Variants in LIAT1 observed in about 807,000 individuals in gnomAD.
LIAT1 encodes protein LIAT1.
At chr17:410,938 C>T in the LIAT1 span, among the ~76,000 whole-genome samples, 2 of 152,200 alleles carry the variant, frequency 1.3e-5, no homozygotes, top group Admixed American at 6.5e-5. Flanking sequence ...CTTCCTAATC[C>T]CTCAGCCAAA....
chr17:410,538 CG>C, the LIAT1 span: 12 of 1,546,140 alleles, frequency 7.8e-6, no homozygotes, highest in Non-Finnish European at 1.0e-5. Flanking sequence ...CGCGGGCCCG[CG>C]GGGGTCTAGA....
At chr17:410,398 G>A in the LIAT1 span, 41 of 1,527,736 alleles carry the variant, frequency 2.7e-5, no homozygotes, top group Non-Finnish European at 3.4e-5. Flanking sequence ...CGATTAGTCG[G>A]CATCGGGCCT....
the LIAT1 span, among the ~76,000 whole-genome samples, chr17:411,743 A>T: frequency 6.6e-6 from 1 of 152,198 alleles, no homozygotes; most frequent in Non-Finnish European, 1.5e-5. Flanking sequence ...CTCTTCTTGT[A>T]GAACCCCTAC....
At chr17:411,594 TAC>T in the LIAT1 span, among the ~76,000 whole-genome samples, 1 of 152,210 alleles carries the variant, frequency 6.6e-6, no homozygotes, top group African/African-American at 2.4e-5. Context: ...ATTCCTAGTC[TAC>T]ACACACAGAC....
At chr17:410,373 C>A in the LIAT1 span, 55 of 1,512,566 alleles carry the variant, frequency 3.6e-5, no homozygotes, top group Middle Eastern at 4.7e-4. Flanking sequence ...CCTGGCGGTC[C>A]GCGCTGAGAG....
the LIAT1 span, chr17:414,222 G>A: frequency 8.0e-6 from 11 of 1,380,654 alleles, no homozygotes; most frequent in Admixed American, 2.4e-4. The surrounding 1 kb of genome is among the most constrained non-coding windows in gnomAD (Gnocchi z 4.1). Context: ...GAAGGAAACA[G>A]ATGTTCGGTA....
At chr17:413,860 C>T in the LIAT1 span, 24 of 1,599,308 alleles carry the variant, frequency 1.5e-5, no homozygotes, top group East Asian at 4.1e-4. Context: ...ACCCCGACCC[C>T]GAGGCCCTCA....
the LIAT1 span, chr17:414,076 G>C: frequency 6.2e-7 from 1 of 1,613,940 alleles, no homozygotes; most frequent in South Asian, 1.1e-5. This position sits in a 1 kb window ranked among gnomAD's most constrained non-coding sequence, Gnocchi z 4.1. Context: ...TTACCCCAAA[G>C]CTTCTACACT....
chr17:411,602 C>T, the LIAT1 span, among the ~76,000 whole-genome samples: 1 of 152,216 alleles, frequency 6.6e-6, no homozygotes, highest in Non-Finnish European at 1.5e-5. Flanking sequence ...TCTACACACA[C>T]AGACTGTTAA....
chr17:414,414 A>G, the LIAT1 span: 47 of 345,230 alleles, frequency 1.4e-4, no homozygotes, highest in African/African-American at 9.0e-4. This position sits in a 1 kb window ranked among gnomAD's most constrained non-coding sequence, Gnocchi z 4.1. Flanking sequence ...TGCCCCAAAA[A>G]GAAAAGAAAG....
the LIAT1 span, among the ~76,000 whole-genome samples, chr17:412,752 C>T: frequency 6.6e-6 from 1 of 152,118 alleles, no homozygotes. Flanking sequence ...GAGCACATGG[C>T]GAGGATGGAT....
the LIAT1 span, chr17:414,394 GT>G: frequency 2.4e-6 from 1 of 412,922 alleles, no homozygotes. The surrounding 1 kb of genome is among the most constrained non-coding windows in gnomAD (Gnocchi z 4.1). Flanking sequence ...ACAGCTAGAT[GT>G]CTATAATCTG....
chr17:410,497 A>G, the LIAT1 span: 2 of 1,544,324 alleles, frequency 1.3e-6, no homozygotes, highest in Non-Finnish European at 1.7e-6. Flanking sequence ...AAGGACAACG[A>G]CGGCGAGGAG....
the LIAT1 span, chr17:410,632 C>G: frequency 6.5e-7 from 1 of 1,541,250 alleles, no homozygotes; most frequent in South Asian, 1.2e-5. Flanking sequence ...ACCAAGGGGT[C>G]TGGCAAGGGG....
the LIAT1 span, chr17:410,404 G>C: frequency 6.5e-7 from 1 of 1,531,860 alleles, no homozygotes; most frequent in South Asian, 1.2e-5. Context: ...GTCGGCATCG[G>C]GCCTCGGGCG....
At chr17:413,501 G>A in the LIAT1 span, 24,589 of 1,232,868 alleles carry the variant, frequency 0.02, 1,672 homozygotes, top group Middle Eastern at 0.022. Flanking sequence ...CCCCGACCCC[G>A]ACGCCCTCAA....
At chr17:410,506 AGG>A in the LIAT1 span, 7 of 1,544,754 alleles carry the variant, frequency 4.5e-6, no homozygotes, top group East Asian at 4.9e-5. Flanking sequence ...GACGGCGAGG[AGG>A]AGGAGCGGGA....
chr17:414,134 C>A, the LIAT1 span: 2 of 1,603,554 alleles, frequency 1.2e-6, no homozygotes, highest in South Asian at 1.1e-5. The surrounding 1 kb of genome is among the most constrained non-coding windows in gnomAD (Gnocchi z 4.1). Flanking sequence ...CCACGACGCT[C>A]ACAAACTTAT....
At chr17:412,035 G>A in the LIAT1 span, among the ~76,000 whole-genome samples, 3 of 152,218 alleles carry the variant, frequency 2.0e-5, no homozygotes, top group Admixed American at 2.0e-4. Context: ...CTTCTCAGGC[G>A]TAATACAAAG....
Sources: allele counts gnomAD v4.1 joint callset (sites outside exome capture counted in the v4.1 genomes callset), GRCh38; gene constraint gnomAD v4.1.1; non-coding constraint Gnocchi (gnomAD v3.1); transcripts MANE v1.5; gene names NCBI Gene and HGNC (gene_info 2026-07-23, HGNC 2026-07-21).